The following PCDH9 variants were observed in gnomAD, a reference collection of about 807,000 sequenced individuals.
PCDH9 encodes the protein protocadherin 9.
In PCDH9, 24 loss-of-function variants were observed where a neutral mutation model predicts 70.6. The observed-to-expected ratio is 0.34, with a 90% CI of 0.25 to 0.48. PCDH9 has a LOEUF of 0.48. Ranked by LOEUF, PCDH9 falls within the 20% of genes least tolerant of loss-of-function variation. The pLI is 0.99. For missense variants in PCDH9, 1,281 were observed against 1,503.6 expected (o/e 0.85, Z 2.45); for synonymous variants, 562 against 558.5 (o/e 1.01, Z -0.09).
At chr13:66,497,814 CTTTTTTTTTTTT>C (rs763360211) in intron 4 of PCDH9, among the ~76,000 whole-genome samples, 5 of 111,332 alleles carry the variant, frequency 4.5e-5, no homozygotes, top group South Asian at 6.4e-4. Flanking sequence ...CACACTCTTA[CTTTTTTTTTTTT>C]TTTTTTTTTT....
At position 66,943,371 on chromosome 13, in the gene PCDH9, G is replaced by A. The variant is rs142351639; in HGVS notation, c.3037-39766C>T. Among the ~76,000 whole-genome samples, 237 of 152,024 alleles carry A rather than the reference G, an allele frequency of 1.6e-3. 3 individuals are homozygous for A. The highest frequency in any genetic ancestry group is 5.3e-3 in the African/African-American group (219 of 41,496). On this transcript the variant is annotated intron_variant, in intron 2 of 4. Coordinates refer to ENST00000377865, the MANE Select transcript of PCDH9 (RefSeq NM_203487.3). The stretch of plus-strand genomic sequence containing the variant: ...TTTCAAGTAGGACAATGAAAGATTA[G>A]TAAATCTCATTGGAATTTTCACCCT...
chr13:66,379,768 T>G (rs1956811795), intron 4 of PCDH9, among the ~76,000 whole-genome samples: 1 of 152,198 alleles, frequency 6.6e-6, no homozygotes, highest in South Asian at 2.1e-4. Context: ...TAAAATACTG[T>G]GTCTGAATTA....
intron 4 of PCDH9, among the ~76,000 whole-genome samples, chr13:66,472,704 GT>G (rs1254354527): frequency 6.6e-6 from 1 of 151,846 alleles, no homozygotes. Flanking sequence ...TTTGAAAATC[GT>G]TTTTTTCCCA....
intron 3 of PCDH9, among the ~76,000 whole-genome samples, chr13:66,821,641 C>T (rs984479291): frequency 3.9e-5 from 6 of 152,086 alleles, no homozygotes; most frequent in African/African-American, 1.2e-4. Context: ...TTTATTAAGT[C>T]ATCCTAATTT....
chr13:66,796,814 A>G (rs1433856151), intron 3 of PCDH9, among the ~76,000 whole-genome samples: 2 of 152,186 alleles, frequency 1.3e-5, no homozygotes, highest in Non-Finnish European at 2.9e-5. Context: ...AATTGATAAA[A>G]GTGTATTAAC....
intron 3 of PCDH9, among the ~76,000 whole-genome samples, chr13:66,873,568 C>G (rs1169562225): frequency 6.6e-6 from 1 of 152,160 alleles, no homozygotes; most frequent in South Asian, 2.1e-4. Context: ...CTCCTAATCT[C>G]CCTGTACAGG....
intron 3 of PCDH9, among the ~76,000 whole-genome samples, chr13:66,855,822 T>C (rs2081385600): frequency 6.6e-6 from 1 of 151,950 alleles, no homozygotes; most frequent in African/African-American, 2.4e-5. Context: ...TATATATGAA[T>C]AAACATAAAA....
At chr13:66,404,056 A>C (rs2138303911) in intron 4 of PCDH9, among the ~76,000 whole-genome samples, 1 of 152,330 alleles carries the variant, frequency 6.6e-6, no homozygotes, top group Non-Finnish European at 1.5e-5. Context: ...TAAATTTGGC[A>C]GTGCTCATGG....
At chr13:66,543,340 G>A (rs1261688131) in intron 4 of PCDH9, among the ~76,000 whole-genome samples, 1 of 152,070 alleles carries the variant, frequency 6.6e-6, no homozygotes, top group Non-Finnish European at 1.5e-5. Flanking sequence ...GGAGGCTGAG[G>A]CAGGTGGATC....
chr13:66,862,473 C>A (rs765939544), intron 3 of PCDH9, among the ~76,000 whole-genome samples: 1 of 152,114 alleles, frequency 6.6e-6, no homozygotes, highest in Non-Finnish European at 1.5e-5. Flanking sequence ...ATTTACATTC[C>A]CTGCATCATT....
At chr13:66,531,311 C>T (rs1266751446) in intron 4 of PCDH9, among the ~76,000 whole-genome samples, 1 of 151,912 alleles carries the variant, frequency 6.6e-6, no homozygotes, top group Non-Finnish European at 1.5e-5. Context: ...TTATTCCTAT[C>T]GAGTACAAGA....
chr13:66,670,678 C>T (rs2078161461), intron 3 of PCDH9, among the ~76,000 whole-genome samples: 2 of 151,940 alleles, frequency 1.3e-5, no homozygotes, highest in African/African-American at 4.8e-5. Flanking sequence ...GCATATTCTA[C>T]CTAATTTTGC....
chr13:66,455,596 A>C (rs2138438939), intron 4 of PCDH9, among the ~76,000 whole-genome samples: 1 of 152,222 alleles, frequency 6.6e-6, no homozygotes, highest in South Asian at 2.1e-4. Context: ...AATCATTCCA[A>C]ACTGGATTTC....
chr13:67,115,718 A>G (rs1260448595), intron 2 of PCDH9, among the ~76,000 whole-genome samples: 1 of 149,886 alleles, frequency 6.7e-6, no homozygotes, highest in Non-Finnish European at 1.5e-5. Flanking sequence ...TCCATTTGTA[A>G]ATTTGTTTTG....
At chr13:66,402,337 A>G (rs1957202562) in intron 4 of PCDH9, among the ~76,000 whole-genome samples, 1 of 151,978 alleles carries the variant, frequency 6.6e-6, no homozygotes, top group African/African-American at 2.4e-5. Flanking sequence ...TATGCTTAAG[A>G]AAAAAAATGA....
At chr13:67,120,536 G>C (rs2086856985) in intron 2 of PCDH9, among the ~76,000 whole-genome samples, 2 of 151,926 alleles carry the variant, frequency 1.3e-5, no homozygotes, top group South Asian at 4.1e-4. Flanking sequence ...TACAGATCCA[G>C]TTTAAAGTAC....
chr13:66,824,221 A>G (rs2080768169), intron 3 of PCDH9, among the ~76,000 whole-genome samples: 2 of 150,562 alleles, frequency 1.3e-5, no homozygotes, highest in South Asian at 4.2e-4. Flanking sequence ...TATATTTTCA[A>G]AATAATTTGT....
intron 4 of PCDH9, among the ~76,000 whole-genome samples, chr13:66,538,704 A>G (rs1334032263): frequency 1.3e-5 from 2 of 152,076 alleles, no homozygotes; most frequent in South Asian, 2.1e-4. Context: ...GCATTACCTA[A>G]AATCTACTAA....
At chr13:66,498,030 G>A (rs536766308) in intron 4 of PCDH9, among the ~76,000 whole-genome samples, 1 of 151,998 alleles carries the variant, frequency 6.6e-6, no homozygotes, top group Non-Finnish European at 1.5e-5. Flanking sequence ...ATGTTGGCCA[G>A]GCTGGTCTGG....
Sources: gnomAD v4.1 joint callset for allele counts (sites outside exome capture counted in the v4.1 genomes callset) on GRCh38, gnomAD v4.1.1 for gene constraint, MANE v1.5 for transcripts, NCBI Gene and HGNC (gene_info 2026-07-23, HGNC 2026-07-21) for gene names.